GALNT18: variants seen among roughly 807,000 people sequenced by gnomAD.
GALNT18 encodes the protein GalNAc-transferase 18.
Under a neutral mutation model 69.5 loss-of-function variants are expected in GALNT18, and 44 were observed. That is an observed-to-expected ratio of 0.63 (90% CI 0.50 to 0.81). The LOEUF is 0.81. Ranked by LOEUF, GALNT18 falls within the 40% of genes least tolerant of loss-of-function variation. GALNT18 has a pLI of 0.00. For synonymous variants in GALNT18, 364 were observed against 318.2 expected (o/e 1.14, Z -1.53); for missense variants, 715 against 810.0 (o/e 0.88, Z 1.42).
chr11:11,344,604 G>A (rs1850268608), intron 6 of GALNT18, among the ~76,000 whole-genome samples: 1 of 152,220 alleles, frequency 6.6e-6, no homozygotes, highest in African/African-American at 2.4e-5. Context: ...CAGCTTTGGA[G>A]TCTGTGGGAA....
At chr11:11,373,038 T>C (rs1850949440) in intron 5 of GALNT18, among the ~76,000 whole-genome samples, 1 of 152,194 alleles carries the variant, frequency 6.6e-6, no homozygotes, top group South Asian at 2.1e-4. Context: ...ATGTCATCCT[T>C]GGTCTACTTA....
chr11:11,335,993 T>C (rs1275289148), intron 7 of GALNT18, among the ~76,000 whole-genome samples: 1 of 152,136 alleles, frequency 6.6e-6, no homozygotes, highest in Non-Finnish European at 1.5e-5. Context: ...ACCATAGCCC[T>C]AGGAAACAAA....
rs915812619 is a variant in GALNT18, at chr11:11,396,889, T to C, written c.596-17625A>G. Among the ~76,000 whole-genome samples the C allele has an allele frequency of 1.3e-5, 2 of 152,078 alleles. No individual in the cohort carries two copies. Among genetic ancestry groups the C allele is most frequent in the Non-Finnish European group, 2.9e-5 (2 of 68,008 alleles). ...CAGTCAAAGCAGGGTGCTGGACAAC[T>C]TGCTGAGCTAACAACTTCCTCTCCC... is the stretch of plus-strand genomic sequence containing the variant. On this transcript the variant is annotated intron_variant, in intron 3 of 10. Transcript: ENST00000227756. This position sits in a 1 kb window ranked among gnomAD's most constrained non-coding sequence, Gnocchi z 5.2.
chr11:11,452,351 A>G (rs1428128228), intron 1 of GALNT18, among the ~76,000 whole-genome samples: 2 of 152,220 alleles, frequency 1.3e-5, no homozygotes, highest in Non-Finnish European at 2.9e-5. Context: ...TTCTTCATAG[A>G]ACATGTGTGA....
chr11:11,588,737 C>T (rs7120088), intron 1 of GALNT18, among the ~76,000 whole-genome samples: 3,761 of 152,272 alleles, frequency 0.025, 159 homozygotes, highest in African/African-American at 0.086. Flanking sequence ...GGATCTCAAA[C>T]GCCAGCTCCT....
intron 9 of GALNT18, among the ~76,000 whole-genome samples, chr11:11,317,097 A>T (rs1849769815): frequency 6.6e-6 from 1 of 151,004 alleles, no homozygotes; most frequent in Non-Finnish European, 1.5e-5. Context: ...GGATTGCTTG[A>T]AATTTGCTGC....
Position 11,274,519 on chromosome 11 carries a change from G to A in GALNT18, c.1678-3229C>T, listed in dbSNP as rs191615007. ...AAGCTTGGTTGGGTGAGGGACATCC[G>A]CCATTGCTGTGGCCTGAGTAGGTGG... On this transcript the variant is annotated intron_variant, in intron 10 of 10. Transcript: ENST00000227756. Among the ~76,000 whole-genome samples the A allele has an allele frequency of 3.7e-4, 57 of 152,306 alleles. 1 individual carries two copies. The highest frequency in any genetic ancestry group is 3.3e-3 in the Admixed American group (51 of 15,292).
rs1230944472 is a variant in GALNT18 at position 11,459,238 on chromosome 11, T to C, written c.236-10302A>G. ...TGAGCCGAAGGTCTTTTGCCAATGG[T>C]CCCCACAATTAGGCTTTCTCTTCCT... is the stretch of plus-strand genomic sequence containing the variant. On this transcript the variant is annotated intron_variant, in intron 1 of 10. Transcript: ENST00000227756. The surrounding 1 kb of genome is among the most constrained non-coding windows in gnomAD (Gnocchi z 5.0). Among the ~76,000 whole-genome samples the C allele has an allele frequency of 6.6e-6, 1 of 152,060 alleles. No individual in the cohort carries two copies. Among genetic ancestry groups the C allele is most frequent in the Non-Finnish European group, 1.5e-5 (1 of 68,020 alleles).
chr11:11,363,201 C>A (rs1375234960), intron 6 of GALNT18, among the ~76,000 whole-genome samples: 1 of 152,070 alleles, frequency 6.6e-6, no homozygotes, highest in African/African-American at 2.4e-5. Context: ...CTGAAAGTTC[C>A]TTATTTTGTA....
At chr11:11,534,498 A>G (rs903976882) in intron 1 of GALNT18, among the ~76,000 whole-genome samples, 8 of 152,232 alleles carry the variant, frequency 5.3e-5, no homozygotes, top group African/African-American at 1.4e-4. Flanking sequence ...AAAAGTGAAT[A>G]TAACACAGTC....
Position 11,621,624 on chromosome 11 carries a change from G to A in GALNT18, c.-31C>T, listed in dbSNP as rs376281859. On this transcript the variant is annotated 5_prime_UTR_variant, in exon 1 of 11. Transcript: ENST00000227756. This position sits in a 1 kb window ranked among gnomAD's most constrained non-coding sequence, Gnocchi z 9.3. ...GCTCCTTCCTCCATATAGAGCTCCC[G>A]GGGGCCCTTCCTTGTCGTGCGCCCC... The A allele has an allele frequency of 2.7e-6, 4 of 1,506,568 alleles. No homozygotes were observed. Among genetic ancestry groups the A allele is most frequent in the South Asian group, 1.2e-5 (1 of 83,640 alleles). The allele number at this position is 1,506,568 out of a possible 1,614,324, so 93.3% of individuals were successfully genotyped here. A position where few individuals can be genotyped will look rare whatever the true frequency, so the allele number is the denominator to read the frequency against.
chr11:11,350,926 A>G (rs1850389017), intron 6 of GALNT18, among the ~76,000 whole-genome samples: 1 of 152,060 alleles, frequency 6.6e-6, no homozygotes, highest in Non-Finnish European at 1.5e-5. Flanking sequence ...GGTAACCTCT[A>G]TTTCCAGCAG....
chr11:11,477,011 G>A (rs867938368), intron 1 of GALNT18, among the ~76,000 whole-genome samples: 10 of 152,198 alleles, frequency 6.6e-5, no homozygotes, highest in African/African-American at 2.4e-4. Context: ...GGGAAAGGCT[G>A]GATGACCGAC....
chr11:11,285,940 G>A (rs1849184288), intron 10 of GALNT18, among the ~76,000 whole-genome samples: 2 of 152,298 alleles, frequency 1.3e-5, no homozygotes, highest in South Asian at 2.1e-4. Context: ...TTTGGCTAGG[G>A]GCTCAGTCTC....
In GALNT18 at chr11:11,595,514, A is replaced by G. The variant is rs1223916529; in HGVS notation, c.235+25845T>C. ...TATGGCAGCCGAGATGAACTAAGAC[A>G]CATTCTCTTCAATAGTGTATGAGGA... is the stretch of plus-strand genomic sequence containing the variant. On this transcript the variant is annotated intron_variant, in intron 1 of 10. Transcript: ENST00000227756. The surrounding 1 kb of genome is among the most constrained non-coding windows in gnomAD (Gnocchi z 5.2). 1.3e-5 allele frequency among the ~76,000 whole-genome samples: 2 copies of G among 152,192 alleles called. No individual in the cohort carries two copies. The highest frequency in any genetic ancestry group is 1.3e-4 in the Admixed American group (2 of 15,282).
chr11:11,599,890 T>C (rs917260699), intron 1 of GALNT18, among the ~76,000 whole-genome samples: 2 of 152,036 alleles, frequency 1.3e-5, no homozygotes, highest in Non-Finnish European at 2.9e-5. Context: ...CACATACTTA[T>C]CTTTTTTGTG....
chr11:11,378,719 C>T (rs1026635500), intron 4 of GALNT18, among the ~76,000 whole-genome samples: 19 of 152,194 alleles, frequency 1.2e-4, no homozygotes, highest in Non-Finnish European at 2.9e-5. Context: ...TCACGTCTGG[C>T]CCAGCTCTCC....
At chr11:11,424,518 A>C (rs1050644913) in intron 3 of GALNT18, among the ~76,000 whole-genome samples, 12 of 152,160 alleles carry the variant, frequency 7.9e-5, no homozygotes, top group Middle Eastern at 3.2e-3. Context: ...GATCATGACT[A>C]TTCTTTTGTC....
chr11:11,298,287 G>A (rs1371213434), intron 9 of GALNT18, among the ~76,000 whole-genome samples: 5 of 152,256 alleles, frequency 3.3e-5, no homozygotes, highest in Non-Finnish European at 5.9e-5. Context: ...AGTTTTGTGC[G>A]CCTAGCAGTC....
Sources: gnomAD v4.1 joint callset for allele counts (sites outside exome capture counted in the v4.1 genomes callset) on GRCh38, gnomAD v4.1.1 for gene constraint, Gnocchi (gnomAD v3.1) non-coding constraint, MANE v1.5 for transcripts, NCBI Gene and HGNC (gene_info 2026-07-23, HGNC 2026-07-21) for gene names.